Variants in UBE2B observed in about 807,000 individuals in gnomAD.
UBE2B encodes the protein ubiquitin-conjugating enzyme E2 B.
A neutral mutation model predicts 24.6 loss-of-function variants in UBE2B; 11 were observed. The observed-to-expected ratio is 0.45, with a 90% CI of 0.28 to 0.74. The LOEUF is 0.74. UBE2B is among the 30% of genes least tolerant of loss of function. The pLI is 0.13. For synonymous variants in UBE2B, 68 were observed against 62.4 expected, an observed-to-expected ratio of 1.09 and a Z score of -0.42; for missense variants, 78 against 185.6, an observed-to-expected ratio of 0.42 and a Z score of 3.37.
In UBE2B at chr5:134,382,580, C is replaced by T. The variant is rs184924409; in HGVS notation, c.241+1772C>T. Among the ~76,000 whole-genome samples the T allele has an allele frequency of 6.6e-3, 1,007 of 152,194 alleles. 5 individuals carry two copies. Among genetic ancestry groups the T allele is most frequent in the Middle Eastern group, 0.048 (14 of 294 alleles). On this transcript the variant is annotated intron_variant, in intron 4 of 5. Transcript: ENST00000265339. ...CTTGAGCCCAGGAGTTCAAGACCAG[C>T]TTAGGCAACATGGTGAAACCCTGTC...
At chr5:134,382,426 C>T (rs1317176629) in intron 4 of UBE2B, among the ~76,000 whole-genome samples, 1 of 152,030 alleles carries the variant, frequency 6.6e-6, no homozygotes, top group African/African-American at 2.4e-5. Context: ...TGCACTCTAG[C>T]CTGGGCAACA....
intron 4 of UBE2B, 146 bp downstream of exon 4, chr5:134,380,954 G>A: frequency 4.6e-6 from 1 of 218,756 alleles, no homozygotes; most frequent in Non-Finnish European, 8.3e-6. Context: ...TTTTGTTGTG[G>A]ATTTTTTTTT....
At chr5:134,385,756 G>A (rs1359963399) in intron 4 of UBE2B, 1 of 152,246 alleles carries the variant, frequency 6.6e-6, no homozygotes, top group Non-Finnish European at 1.5e-5. Context: ...GCCCACGCCT[G>A]TAGTCCCAGC....
intron 4 of UBE2B, among the ~76,000 whole-genome samples, chr5:134,386,522 C>T (rs918270543): frequency 2.0e-5 from 3 of 151,828 alleles, no homozygotes; most frequent in Admixed American, 6.6e-5. Context: ...ATCCCAACTA[C>T]GTGGGAGGCT....
rs775635194 is a variant in UBE2B, at chr5:134,375,797, CAAAAAAAAAAAAAA to C, written c.126-856_126-843del. Among the ~76,000 whole-genome samples, 4 of 29,890 alleles carry C rather than the reference CAAAAAAAAAAAAAA, an allele frequency of 1.3e-4. 1 individual carries two copies. Among genetic ancestry groups the C allele is most frequent in the African/African-American group, 2.8e-4 (3 of 10,734 alleles). 19.6% of individuals were successfully genotyped at this position (29,890 alleles called of 152,430 possible). A position where few individuals can be genotyped will look rare whatever the true frequency, so the allele number is the denominator to read the frequency against. ...CCTGGGCGACAGCGAGACTCCGTCT[CAAAAAAAAAAAAAA>C]AAAAAAAAAAAAAAACTTTATGCTG... On this transcript the variant is annotated intron_variant, in intron 2 of 5. Coordinates refer to ENST00000265339, the MANE Select transcript of UBE2B (RefSeq NM_003337.4).
chr5:134,377,151 C>A (rs936348700), intron 3 of UBE2B, among the ~76,000 whole-genome samples: 1 of 152,134 alleles, frequency 6.6e-6, no homozygotes, highest in African/African-American at 2.4e-5. Context: ...TAATCTTTGG[C>A]ATCTCAAGTT....
chr5:134,381,789 C>T (rs1432099236), intron 4 of UBE2B, among the ~76,000 whole-genome samples: 1 of 152,022 alleles, frequency 6.6e-6, no homozygotes, highest in Non-Finnish European at 1.5e-5. Flanking sequence ...ACTAAAAATA[C>T]AAAAATTAGT....
Position 134,390,591 on chromosome 5 carries a change from T to C in UBE2B, c.*238T>C. On this transcript the variant is annotated 3_prime_UTR_variant, in exon 6 of 6. Transcript: ENST00000265339. This position sits in a 1 kb window ranked among gnomAD's most constrained non-coding sequence, Gnocchi z 4.6. ...GTAATATATCCTGTTTGTATTTTTT[T>C]CCAAGTGTATAATGTTGGTGTGGAG... 2 of 443,730 alleles carry C rather than the reference T, an allele frequency of 4.5e-6. No homozygotes were observed. Among genetic ancestry groups the C allele is most frequent in the Non-Finnish European group, 8.1e-6 (2 of 245,620 alleles). The allele number at this position is 443,730 out of a possible 1,614,324, so 27.5% of individuals were successfully genotyped here.
intron 5 of UBE2B, among the ~76,000 whole-genome samples, chr5:134,389,492 T>C: frequency 6.6e-6 from 1 of 152,202 alleles, no homozygotes; most frequent in Non-Finnish European, 1.5e-5. Flanking sequence ...CTCAATATGC[T>C]TAAGAATATT....
chr5:134,378,800 G>A (rs1758652602), intron 3 of UBE2B, among the ~76,000 whole-genome samples: 1 of 151,904 alleles, frequency 6.6e-6, no homozygotes, highest in Non-Finnish European at 1.5e-5. Context: ...GTGGTGGCGG[G>A]CACCTGTAAT....
chr5:134,372,854 C>T (rs1001190752), intron 1 of UBE2B, among the ~76,000 whole-genome samples: 2 of 152,184 alleles, frequency 1.3e-5, no homozygotes, highest in Admixed American at 6.5e-5. Flanking sequence ...TATAATGTAG[C>T]ATTTTTAATT....
chr5:134,377,127 G>C (rs556660819), intron 3 of UBE2B, among the ~76,000 whole-genome samples: 2 of 152,300 alleles, frequency 1.3e-5, no homozygotes, highest in East Asian at 1.9e-4. Context: ...CCCATAAGTA[G>C]TTATCATTTT....
chr5:134,383,676 G>A (rs1160662249), intron 4 of UBE2B, among the ~76,000 whole-genome samples: 1 of 151,856 alleles, frequency 6.6e-6, no homozygotes, highest in African/African-American at 2.4e-5. Flanking sequence ...GGCCAGGCTG[G>A]TTTTGAACTC....
At chr5:134,382,521 TC>T (rs1758724470) in intron 4 of UBE2B, among the ~76,000 whole-genome samples, 1 of 151,884 alleles carries the variant, frequency 6.6e-6, no homozygotes. Context: ...GCCTATTAAT[TC>T]CAGCACTTTG....
chr5:134,374,351 C>A, intron 1 of UBE2B, 32 bp from the exon 2 acceptor site: 1 of 1,550,988 alleles, frequency 6.4e-7, no homozygotes, highest in South Asian at 1.2e-5. Flanking sequence ...CCTTAATGTT[C>A]AACTTTTTAA....
At chr5:134,388,440 A>C (rs1316479819) in intron 5 of UBE2B, 27 bp downstream of exon 5, 2 of 1,596,814 alleles carry the variant, frequency 1.3e-6, no homozygotes, top group Non-Finnish European at 1.7e-6. Flanking sequence ...ATGTATTATA[A>C]TTTGTCAGTA....
chr5:134,380,029 C>A (rs1199292849), intron 3 of UBE2B, among the ~76,000 whole-genome samples: 2 of 151,930 alleles, frequency 1.3e-5, no homozygotes, highest in Admixed American at 6.6e-5. Context: ...AATTCTCTTG[C>A]CTCACCCTCC....
Position 134,382,229 on chromosome 5 carries a change from G to A in UBE2B, c.241+1421G>A, listed in dbSNP as rs374367965. On this transcript the variant is annotated intron_variant, in intron 4 of 5. Coordinates refer to ENST00000265339, the MANE Select transcript of UBE2B (RefSeq NM_003337.4). ...GCACCTTGGGAGGCCAAGGTGGGAA[G>A]GTTGCTTGAGACCAGGAGTCAGAGA... Among the ~76,000 whole-genome samples the A allele has an allele frequency of 9.2e-5, 14 of 152,212 alleles. No individual in the cohort carries two copies. The South Asian group carries it at 1.2e-3, about 14-fold the overall frequency.
chr5:134,390,581 T>C lies in UBE2B; in HGVS notation c.*228T>C, dbSNP rs745853265. The C allele has an allele frequency of 2.3e-5, 11 of 469,176 alleles. No homozygotes were observed. The highest frequency in any genetic ancestry group is 3.6e-5 in the Admixed American group (1 of 27,606). The allele number at this position is 469,176 out of a possible 1,614,324, so 29.1% of individuals were successfully genotyped here. On this transcript the variant is annotated 3_prime_UTR_variant, in exon 6 of 6. Coordinates refer to ENST00000265339, the MANE Select transcript of UBE2B (RefSeq NM_003337.4). This position sits in a 1 kb window ranked among gnomAD's most constrained non-coding sequence, Gnocchi z 4.6. ...GCATAAATTTGTAATATATCCTGTTTGTATTTTTTTCCAAGTGTATAATGT... is the reference window on the plus strand; with the variant it reads ...GCATAAATTTGTAATATATCCTGTTCGTATTTTTTTCCAAGTGTATAATGT...
Sources: allele counts gnomAD v4.1 joint callset (sites outside exome capture counted in the v4.1 genomes callset), GRCh38; gene constraint gnomAD v4.1.1; non-coding constraint Gnocchi (gnomAD v3.1); transcripts MANE v1.5; gene names NCBI Gene and HGNC (gene_info 2026-07-23, HGNC 2026-07-21).